The following CTNNA3 variants were observed in gnomAD, a reference collection of about 807,000 sequenced individuals.
CTNNA3 encodes the protein catenin alpha 3.
Under a neutral mutation model 95.7 loss-of-function variants are expected in CTNNA3, and 76 were observed. The observed-to-expected ratio is 0.79, with a 90% confidence interval of 0.66 to 0.96. The LOEUF (loss-of-function observed/expected upper bound fraction) is 0.96. Ranked by LOEUF, CTNNA3 falls within the 40% of genes least tolerant of loss-of-function variation. The probability of loss-of-function intolerance (pLI) is 0.00; values close to 1 mark genes in which losing one functional copy is unlikely to be tolerated. For missense variants in CTNNA3, 1,191 were observed against 1,089.8 expected, an observed-to-expected ratio of 1.09 and a Z score of -1.31; for synonymous variants, 431 against 374.4, an observed-to-expected ratio of 1.15 and a Z score of -1.74.
chr10:67,744,985 T>C lies in CTNNA3; in HGVS notation c.-2+18449A>G, dbSNP rs373567533. ...TACCATCTCACACCAGTTAGAATGG[T>C]GATCATTAAAAAGTCAGGAAACAAC... On this transcript the variant is annotated intron_variant, in intron 1 of 17. Transcript: ENST00000684154. Among the ~76,000 whole-genome samples, 4,974 of 151,764 alleles carry C rather than the reference T, an allele frequency of 0.033. 572 individuals carry two copies. In the East Asian group the frequency reaches 0.43, roughly 13 times the overall value.
At chr10:66,156,011 A>G (rs1226493067) in intron 13 of CTNNA3, among the ~76,000 whole-genome samples, 4 of 151,968 alleles carry the variant, frequency 2.6e-5, no homozygotes, top group Non-Finnish European at 4.4e-5. Flanking sequence ...CCAAAATAGT[A>G]TATTTTAAGA....
rs74144405 is a variant in CTNNA3, at chr10:67,379,475, T to A, written c.579+142367A>T. ...ATATAGTTAAATATAAACAAGAATA[T>A]GGCATATAACCCTTGGTGGGGAAAA... On this transcript the variant is annotated intron_variant, in intron 5 of 17. Coordinates refer to ENST00000433211, the MANE Select transcript of CTNNA3 (RefSeq NM_013266.4). Among the ~76,000 whole-genome samples, 324 of 152,334 alleles carry A rather than the reference T, an allele frequency of 2.1e-3. 1 individual carries two copies. Among genetic ancestry groups the A allele is most frequent in the African/African-American group, 7.4e-3 (307 of 41,590 alleles).
chr10:66,469,750 T>C (rs1589293904), intron 11 of CTNNA3, among the ~76,000 whole-genome samples: 1 of 151,582 alleles, frequency 6.6e-6, no homozygotes, highest in Admixed American at 6.6e-5. Context: ...ACTATGATGA[T>C]AGTAAAAAAT....
At chr10:66,667,318 TTTC>T (rs10549969) in intron 9 of CTNNA3, among the ~76,000 whole-genome samples, 99,256 of 151,532 alleles carry the variant, frequency 0.66, 33,315 homozygotes, top group East Asian at 0.95. Context: ...CATTCATTAT[TTTC>T]TGAAGCTCTG....
chr10:66,645,200 T>G (rs192839248), intron 9 of CTNNA3, among the ~76,000 whole-genome samples: 1 of 152,142 alleles, frequency 6.6e-6, no homozygotes, highest in Non-Finnish European at 1.5e-5. Flanking sequence ...AGTTAGCATT[T>G]TACATTTTGA....
intron 17 of CTNNA3, among the ~76,000 whole-genome samples, chr10:65,950,249 G>T (rs2077586811): frequency 6.6e-6 from 1 of 152,072 alleles, no homozygotes; most frequent in Non-Finnish European, 1.5e-5. Flanking sequence ...CATAAATTCA[G>T]CATGAGTCAG....
chr10:66,177,028 C>T (rs986546809), intron 13 of CTNNA3, among the ~76,000 whole-genome samples: 3 of 151,958 alleles, frequency 2.0e-5, no homozygotes, highest in African/African-American at 4.8e-5. Context: ...AGGGATCAGA[C>T]GGTAACATAA....
chr10:66,330,694 A>T (rs1382306182), intron 12 of CTNNA3, among the ~76,000 whole-genome samples: 1 of 152,120 alleles, frequency 6.6e-6, no homozygotes, highest in Non-Finnish European at 1.5e-5. Flanking sequence ...CCAACAGTGT[A>T]AAAGTGTTCC....
At chr10:66,634,371 A>G (rs1845262380) in intron 9 of CTNNA3, among the ~76,000 whole-genome samples, 1 of 152,174 alleles carries the variant, frequency 6.6e-6, no homozygotes, top group Non-Finnish European at 1.5e-5. Flanking sequence ...ATATGCTGTT[A>G]TATTTAAAAT....
chr10:66,083,116 T>C (rs1191213771), intron 14 of CTNNA3, among the ~76,000 whole-genome samples: 2 of 152,132 alleles, frequency 1.3e-5, no homozygotes, highest in African/African-American at 4.8e-5. Context: ...AACATTATCC[T>C]ATGATCACAG....
rs775051932 is a variant in CTNNA3 at position 66,326,952 on chromosome 10, C to A, written c.1733-46331G>T. Among the ~76,000 whole-genome samples, 59 of 152,066 alleles carry A rather than the reference C, an allele frequency of 3.9e-4. 1 individual carries two copies. Among genetic ancestry groups the A allele is most frequent in the Non-Finnish European group, 7.1e-4 (48 of 67,960 alleles). Reference sequence around the variant, plus strand: ...TCAGATTTTAATTCTGTCATAATTACTTACATGTGCAAATACATAGAAAAG... The same window carrying A: ...TCAGATTTTAATTCTGTCATAATTAATTACATGTGCAAATACATAGAAAAG... On this transcript the variant is annotated intron_variant, in intron 12 of 17. Transcript: ENST00000433211.
intron 5 of CTNNA3, among the ~76,000 whole-genome samples, chr10:67,229,433 C>T (rs984033561): frequency 6.6e-6 from 1 of 152,170 alleles, no homozygotes; most frequent in African/African-American, 2.4e-5. Flanking sequence ...ATTCTCACCA[C>T]TCCTCTGCAA....
intron 9 of CTNNA3, among the ~76,000 whole-genome samples, chr10:66,684,880 A>G (rs575581844): frequency 1.3e-5 from 2 of 150,362 alleles, no homozygotes; most frequent in South Asian, 4.2e-4. Context: ...ATTTATTAGT[A>G]ATTATGTAGG....
chr10:65,953,434 G>A lies in CTNNA3; in HGVS notation c.2400+13178C>T, dbSNP rs551789423. Among the ~76,000 whole-genome samples, 3 of 150,840 alleles carry A rather than the reference G, an allele frequency of 2.0e-5. No homozygotes were observed. The South Asian group carries it at 6.3e-4, about 31-fold the overall frequency. On this transcript the variant is annotated intron_variant, in intron 17 of 17. Coordinates refer to ENST00000433211, the MANE Select transcript of CTNNA3 (RefSeq NM_013266.4). ...AAGTTCTAGGATACATGTGCACAAT[G>A]TGCAGGTTTGTTACATATGTATACA...
intron 11 of CTNNA3, among the ~76,000 whole-genome samples, chr10:66,405,892 T>C (rs1041039700): frequency 3.9e-5 from 6 of 152,180 alleles, no homozygotes; most frequent in African/African-American, 1.2e-4. Context: ...GCCACATCTT[T>C]TCCTTTCAGC....
intron 10 of CTNNA3, among the ~76,000 whole-genome samples, chr10:66,600,691 A>G (rs532450645): frequency 6.6e-6 from 1 of 151,880 alleles, no homozygotes; most frequent in African/African-American, 2.4e-5. Context: ...GAAATTGTAA[A>G]GCCTGTTTTA....
intron 11 of CTNNA3, among the ~76,000 whole-genome samples, chr10:66,467,370 C>G (rs1311944366): frequency 6.6e-6 from 1 of 152,074 alleles, no homozygotes; most frequent in African/African-American, 2.4e-5. Flanking sequence ...CCTCTACTTG[C>G]TCCTTTCTAT....
intron 3 of CTNNA3, among the ~76,000 whole-genome samples, chr10:67,569,781 T>C (rs771204513): frequency 5.3e-5 from 8 of 152,164 alleles, no homozygotes; most frequent in Non-Finnish European, 7.4e-5. Flanking sequence ...TGTCCTTGAC[T>C]GTTTCTTCTC....
intron 11 of CTNNA3, among the ~76,000 whole-genome samples, chr10:66,416,494 T>C (rs891355593): frequency 2.0e-5 from 3 of 151,796 alleles, no homozygotes; most frequent in Non-Finnish European, 4.4e-5. Context: ...TTCTTCTTCA[T>C]GGTATACTAT....
Sources: gnomAD v4.1 joint callset for allele counts (sites outside exome capture counted in the v4.1 genomes callset) on GRCh38, gnomAD v4.1.1 for gene constraint, MANE v1.5 for transcripts, NCBI Gene and HGNC (gene_info 2026-07-23, HGNC 2026-07-21) for gene names.